PCGF6: variants seen among roughly 807,000 people sequenced by gnomAD.
The protein encoded by PCGF6 is polycomb group ring finger 6, also known as polycomb group RING finger protein 6.
PCGF6 carries 24 observed loss-of-function variants against 45.5 expected under a neutral mutation model. The ratio of observed to expected loss-of-function variants is 0.53; its 90% CI spans 0.38 to 0.74. The LOEUF (loss-of-function observed/expected upper bound fraction) is 0.74. Ranked by LOEUF, PCGF6 falls within the 30% of genes least tolerant of loss-of-function variation. The probability of loss-of-function intolerance (pLI) is 0.00; values close to 1 mark genes in which losing one functional copy is unlikely to be tolerated. For missense variants in PCGF6, 356 were observed against 443.2 expected (o/e 0.80, Z 1.77); for synonymous variants, 152 against 162.1 (o/e 0.94, Z 0.47).
Position 103,350,800 on chromosome 10 carries a change from C to T in PCGF6, c.267G>A (p.Glu89=). 1.3e-6 allele frequency: 2 copies of T among 1,556,854 alleles called. No individual in the cohort carries two copies. Among genetic ancestry groups the T allele is most frequent in the South Asian group, 2.4e-5 (2 of 84,062 alleles). Residue 89 remains glutamate, a synonymous_variant, in exon 1 of 10, where the codon GAG becomes GAA. Coordinates refer to ENST00000369847, the MANE Select transcript of PCGF6 (RefSeq NM_001011663.2). The part of the protein sequence containing the change: ...DEDEELEEEE[E]LEEEEEEEEE... ...CCTCCTCCTCTTCTTCCTCCTCCAG[C>T]TCCTCTTCTTCTTCCAACTCCTCGT...
chr10:103,308,652 G>A (rs2093145903), intron 9 of PCGF6, among the ~76,000 whole-genome samples: 1 of 151,988 alleles, frequency 6.6e-6, no homozygotes. Flanking sequence ...CAGAAAGATT[G>A]CCTGAGCCCA....
chr10:103,346,397 G>A (rs1374368090), intron 5 of PCGF6, among the ~76,000 whole-genome samples: 3 of 151,950 alleles, frequency 2.0e-5, no homozygotes, highest in African/African-American at 7.3e-5. Context: ...AGGCCGAGGA[G>A]GGCAGATCAC....
intron 8 of PCGF6, among the ~76,000 whole-genome samples, chr10:103,314,954 TAAAAA>T (rs60182387): frequency 1.7e-5 from 1 of 57,186 alleles, no homozygotes; most frequent in African/African-American, 8.1e-5. Flanking sequence ...GACTCTGTCA[TAAAAA>T]AAAAAAAAAA....
rs551717017 is a variant in PCGF6 at position 103,313,760 on chromosome 10, T to C, written c.996+426A>G. Among the ~76,000 whole-genome samples the C allele has an allele frequency of 1.5e-3, 222 of 152,308 alleles. 1 individual carries two copies. The highest frequency in any genetic ancestry group is 5.2e-3 in the African/African-American group (215 of 41,580). Reference sequence around the variant, plus strand: ...AAGCCTAATAAGTACTTGCAAGTTTTTCTTGAAATGTCCTTCTGGATGCAT... The same window carrying C: ...AAGCCTAATAAGTACTTGCAAGTTTCTCTTGAAATGTCCTTCTGGATGCAT... On this transcript the variant is annotated intron_variant, in intron 9 of 9. Coordinates refer to ENST00000369847, the MANE Select transcript of PCGF6 (RefSeq NM_001011663.2).
rs1176279004 is a variant in PCGF6 at position 103,303,169 on chromosome 10, A to G, written c.*736T>C. The G allele has an allele frequency of 6.6e-6, 1 of 152,640 alleles. No individual in the cohort carries two copies. The highest frequency in any genetic ancestry group is 2.4e-5 in the African/African-American group (1 of 41,446). 9.5% of individuals were successfully genotyped at this position (152,640 alleles called of 1,614,324 possible). On this transcript the variant is annotated 3_prime_UTR_variant, in exon 10 of 10. Transcript: ENST00000369847. ...TACTTTCAGAAGCAATACTATTGCA[A>G]GGTATCAACAACCACACTATGTACC...
At chr10:103,344,950 C>T (rs1042907992) in intron 6 of PCGF6, 74 bp downstream of exon 6, 10 of 985,358 alleles carry the variant, frequency 1.0e-5, no homozygotes, top group South Asian at 1.7e-5. Context: ...TTGATTTTAC[C>T]TGAGTTCACA....
At chr10:103,307,125 A>C (rs968125356) in intron 9 of PCGF6, among the ~76,000 whole-genome samples, 1 of 150,232 alleles carries the variant, frequency 6.7e-6, no homozygotes, top group Non-Finnish European at 1.5e-5. Context: ...AAAAATAAAA[A>C]ATAAAAAAAT....
chr10:103,328,118 G>T (rs1004130731), intron 7 of PCGF6, among the ~76,000 whole-genome samples: 1 of 152,132 alleles, frequency 6.6e-6, no homozygotes, highest in South Asian at 2.1e-4. Context: ...ACCCAGCTCC[G>T]ATCTGAGACA....
chr10:103,311,662 A>T (rs556063243), intron 9 of PCGF6, among the ~76,000 whole-genome samples: 5 of 152,182 alleles, frequency 3.3e-5, no homozygotes, highest in Admixed American at 6.6e-5. Flanking sequence ...TATACTTAAG[A>T]TACACAAAAT....
At position 103,351,081 on chromosome 10, in the gene PCGF6, C is replaced by A; in HGVS notation, c.-15G>T. On this transcript the variant is annotated 5_prime_UTR_variant, in exon 1 of 10. Transcript: ENST00000369847. ...ACCCCCTCCATGGTCGGGAGAGACACCAGGCGAGGCGAGGCGGCGGGAGAG... is the reference window on the plus strand; with the variant it reads ...ACCCCCTCCATGGTCGGGAGAGACAACAGGCGAGGCGAGGCGGCGGGAGAG... The A allele has an allele frequency of 7.4e-7, 1 of 1,359,658 alleles. No homozygotes were observed. Among genetic ancestry groups the A allele is most frequent in the Non-Finnish European group, 9.5e-7 (1 of 1,055,612 alleles). The allele number at this position is 1,359,658 out of a possible 1,614,324, so 84.2% of individuals were successfully genotyped here.
chr10:103,321,353 C>A (rs1416763085), intron 8 of PCGF6, among the ~76,000 whole-genome samples: 1 of 151,960 alleles, frequency 6.6e-6, no homozygotes, highest in East Asian at 1.9e-4. Context: ...AAAAAAGAAA[C>A]CCACATTTTT....
intron 7 of PCGF6, among the ~76,000 whole-genome samples, chr10:103,328,946 T>C (rs776581484): frequency 1.3e-5 from 2 of 151,656 alleles, no homozygotes; most frequent in East Asian, 1.9e-4. Context: ...AGGGTTTCAC[T>C]GTGTTAGCCA....
In PCGF6 at chr10:103,314,195, T is replaced by C; in HGVS notation, c.987A>G (p.Ala329=). 2 of 1,599,698 alleles carry C rather than the reference T, an allele frequency of 1.3e-6. No individual in the cohort carries two copies. Among genetic ancestry groups the C allele is most frequent in the Non-Finnish European group, 1.7e-6 (2 of 1,169,010 alleles). ...LREIRRAIGD[A]AMQDGLLVLH... ...TATGTCTATAACCTACCTGCATTGCTGCATCACCTATTGCACGTCGGATTT... is the reference window on the plus strand; with the variant it reads ...TATGTCTATAACCTACCTGCATTGCCGCATCACCTATTGCACGTCGGATTT... The change falls in exon 9 of 10, where the codon GCA becomes GCG. Residue 329 remains alanine (A), a synonymous_variant. Transcript: ENST00000369847.
intron 7 of PCGF6, among the ~76,000 whole-genome samples, chr10:103,328,981 A>G (rs1299676972): frequency 6.6e-6 from 1 of 151,498 alleles, no homozygotes; most frequent in Non-Finnish European, 1.5e-5. Flanking sequence ...TCCTGACCTC[A>G]TGATCTACCG....
In PCGF6 at chr10:103,325,693, T is replaced by A. The variant is rs1371497494; in HGVS notation, c.909+841A>T. On this transcript the variant is annotated intron_variant, in intron 8 of 9. Transcript: ENST00000369847. Reference sequence around the variant, plus strand: ...AATATTTCTATCTTCAGCTTTTCTATGACACTAATAGATTGCCATCAGTGG... The same window carrying A: ...AATATTTCTATCTTCAGCTTTTCTAAGACACTAATAGATTGCCATCAGTGG... Among the ~76,000 whole-genome samples the A allele has an allele frequency of 2.0e-5, 3 of 152,248 alleles. No homozygotes were observed. In the East Asian group the frequency reaches 5.8e-4, roughly 29 times the overall value.
chr10:103,337,134 T>C, intron 6 of PCGF6, among the ~76,000 whole-genome samples: 1 of 152,124 alleles, frequency 6.6e-6, no homozygotes, highest in East Asian at 1.9e-4. Flanking sequence ...TTTACCAATA[T>C]CTCTCTTAAA....
At position 103,348,802 on chromosome 10, in the gene PCGF6, G is replaced by T; in HGVS notation, c.471C>A (p.Ser157Arg). The change falls in exon 3 of 10, where the codon AGC becomes AGA. Residue 157 changes from serine to arginine, a missense_variant. Physicochemically the swap from Ser to Arg is moderately radical, Grantham distance 110. Coordinates refer to ENST00000369847, the MANE Select transcript of PCGF6 (RefSeq NM_001011663.2). Reference protein sequence around the residue: ...ITECLHTFCKSCIVRHFYYSN... With the variant: ...ITECLHTFCKRCIVRHFYYSN... ...TGTAGTAAAAATGTCTTACGATGCA[G>T]CTTTTACAAACTGTTGAAAAAGAAT... 6.2e-7 allele frequency: 1 copy of T among 1,612,458 alleles called. No homozygotes were observed. The highest frequency in any genetic ancestry group is 8.5e-7 in the Non-Finnish European group (1 of 1,179,166).
chr10:103,347,544 A>T (rs2093304043), intron 3 of PCGF6, 94 bp from the exon 4 acceptor site: 1 of 999,376 alleles, frequency 1.0e-6, no homozygotes, highest in Admixed American at 2.4e-5. Flanking sequence ...GAGAGTGGGT[A>T]TCTTTTTTCT....
At chr10:103,312,947 C>T (rs533762666) in intron 9 of PCGF6, among the ~76,000 whole-genome samples, 2 of 150,550 alleles carry the variant, frequency 1.3e-5, no homozygotes, top group East Asian at 2.0e-4. Flanking sequence ...GGCGACAGAG[C>T]GAGACTCCGT....
Sources: gnomAD v4.1 joint callset for allele counts (sites outside exome capture counted in the v4.1 genomes callset) on GRCh38, gnomAD v4.1.1 for gene constraint, MANE v1.5 for transcripts, NCBI Gene and HGNC (gene_info 2026-07-23, HGNC 2026-07-21) for gene names.